FN1: variants seen among roughly 807,000 people sequenced by gnomAD.
FN1 encodes the protein fibronectin.
In FN1, 106 loss-of-function variants were observed where a neutral mutation model predicts 297.3. The ratio of observed to expected loss-of-function variants is 0.36; its 90% CI spans 0.30 to 0.42. The LOEUF (loss-of-function observed/expected upper bound fraction) is 0.42, where lower values mean the gene tolerates loss of function less well. Among genes scored for constraint, FN1 ranks in the 10% least tolerant of loss-of-function variants. FN1 has a pLI of 1.00. For missense variants in FN1, 2,690 were observed against 3,124.9 expected, an observed-to-expected ratio of 0.86 and a Z score of 3.32; for synonymous variants, 1,149 against 1,152.6, an observed-to-expected ratio of 1.00 and a Z score of 0.06.
At chr2:215,408,955 C>A (rs2062175030) in intron 15 of FN1, among the ~76,000 whole-genome samples, 1 of 152,102 alleles carries the variant, frequency 6.6e-6, no homozygotes, top group Non-Finnish European at 1.5e-5. Flanking sequence ...TTTCATTTTT[C>A]CAACTTTTTT....
Position 215,386,076 on chromosome 2 carries a change from C to CTTTTTTTTT in FN1, c.4612+604_4612+612dup, listed in dbSNP as rs571159227. ...CAAGCGTGAGCCATTGCGCCTGGCCCTTTTTTTTTTTTTTTTTTTGAGACA... is the reference window on the plus strand; with the variant it reads ...CAAGCGTGAGCCATTGCGCCTGGCCCTTTTTTTTTTTTTTTTTTTTTTTTTTTTGAGACA... On this transcript the variant is annotated intron_variant, in intron 28 of 45. Coordinates refer to ENST00000354785, the MANE Select transcript of FN1 (RefSeq NM_212482.4). Among the ~76,000 whole-genome samples, 24 of 109,422 alleles carry CTTTTTTTTT rather than the reference C, an allele frequency of 2.2e-4. 1 individual carries two copies. In the East Asian group the frequency reaches 2.4e-3, roughly 11 times the overall value. 71.8% of individuals were successfully genotyped at this position (109,422 alleles called of 152,430 possible).
intron 13 of FN1, among the ~76,000 whole-genome samples, chr2:215,413,590 A>T (rs1000662076): frequency 1.3e-5 from 2 of 152,046 alleles, no homozygotes; most frequent in African/African-American, 4.8e-5. Flanking sequence ...TTTCTGTTCC[A>T]TCTGTATTGG....
At chr2:215,405,817 T>A (rs962925609) in intron 19 of FN1, among the ~76,000 whole-genome samples, 41 of 152,094 alleles carry the variant, frequency 2.7e-4, no homozygotes, top group African/African-American at 9.7e-4. Flanking sequence ...AATATGAGAA[T>A]AATGCTTGTA....
chr2:215,365,881 CTG>C (rs1461947190), intron 42 of FN1: 1 of 193,474 alleles, frequency 5.2e-6, no homozygotes, highest in African/African-American at 2.4e-5. Context: ...TCTCGGCTCA[CTG>C]TAACCTCCAT....
At chr2:215,394,763 G>GCAAT in intron 23 of FN1, 44 bp from the exon 24 acceptor site, 3 of 1,485,948 alleles carry the variant, frequency 2.0e-6, no homozygotes, top group Non-Finnish European at 2.8e-6. Flanking sequence ...GAGGATCTGT[G>GCAAT]AGCCAGAGCA....
intron 12 of FN1, among the ~76,000 whole-genome samples, chr2:215,415,254 AAAGTAAG>A (rs2063279716): frequency 6.6e-6 from 1 of 152,230 alleles, no homozygotes; most frequent in African/African-American, 2.4e-5. Context: ...CTCTACTATC[AAAGTAAG>A]AATTGTGAGA....
chr2:215,404,203 G>A (rs1378481628), intron 20 of FN1, among the ~76,000 whole-genome samples, 186 bp downstream of exon 20: 1 of 152,038 alleles, frequency 6.6e-6, no homozygotes, highest in East Asian at 1.9e-4. Flanking sequence ...CGTTTTTCTT[G>A]TTGCAGACTA....
At chr2:215,376,298 A>G (rs1187735475) in intron 36 of FN1, among the ~76,000 whole-genome samples, 200 bp downstream of exon 36, 2 of 152,240 alleles carry the variant, frequency 1.3e-5, no homozygotes, top group Admixed American at 6.5e-5. Context: ...CGCAATTTCC[A>G]TGACAAATAT....
chr2:215,428,319 G>C lies in FN1; in HGVS notation c.705C>G (p.Asp235Glu). ...CTSRNRCNDQ[D>E]TRTSYRIGDT... The stretch of plus-strand genomic sequence containing the variant: ...CTCCAATTCTATAGGATGTCCTTGT[G>C]TCCTGATCGTTGCATCTATCTGTGT... Residue 235 changes from aspartate (D) to glutamate (E), a missense_variant, in exon 6 of 46, where the codon GAC becomes GAG. Asp to Glu is a conservative substitution (Grantham distance 45). This residue lies in a region of FN1 where 876 missense variants were observed against 1,058.1 expected (regional missense o/e 0.83). Coordinates refer to ENST00000354785, the MANE Select transcript of FN1 (RefSeq NM_212482.4). The C allele has an allele frequency of 6.2e-7, 1 of 1,614,072 alleles. No individual in the cohort carries two copies. Among genetic ancestry groups the C allele is most frequent in the East Asian group, 2.2e-5 (1 of 44,888 alleles).
rs193174876 is a variant in FN1, at chr2:215,383,381, G to T, written c.4997C>A (p.Thr1666Asn). ...SSSPVTGYRV[T>N]TTPKNGPGPT... is the part of the protein sequence containing the mutation. Reference sequence around the variant, plus strand: ...TCCTGGTCCATTTTTGGGAGTGGTGGTTACTCTGTAACCAGTAACAGGGGA... The same window carrying T: ...TCCTGGTCCATTTTTGGGAGTGGTGTTTACTCTGTAACCAGTAACAGGGGA... The change falls in exon 31 of 46, where the codon ACC becomes AAC. Residue 1666 changes from threonine to asparagine, a missense_variant. Physicochemically the swap from Thr to Asn is moderately conservative, Grantham distance 65 (BLOSUM62 0). This residue lies in a region of FN1 where 1,743 missense variants were observed against 1,945.2 expected (regional missense o/e 0.90). Coordinates refer to ENST00000354785, the MANE Select transcript of FN1 (RefSeq NM_212482.4). The T allele has an allele frequency of 6.2e-7, 1 of 1,614,078 alleles. No individual in the cohort carries two copies. The highest frequency in any genetic ancestry group is 8.5e-7 in the Non-Finnish European group (1 of 1,179,968).
Position 215,376,788 on chromosome 2 carries a change from T to A in FN1, c.5711-114A>T, listed in dbSNP as rs2057353831. 3 of 854,010 alleles carry A rather than the reference T, an allele frequency of 3.5e-6. No individual in the cohort carries two copies. The African/African-American group carries it at 5.0e-5, about 14-fold the overall frequency. The allele number at this position is 854,010 out of a possible 1,614,324, so 52.9% of individuals were successfully genotyped here. The stretch of plus-strand genomic sequence containing the variant: ...AAATTCATCCATTTCAAGAAATATA[T>A]AACTAGTAATGTGTAGATTATCTCC... On this transcript the variant is annotated intron_variant, in intron 35 of 45. Transcript: ENST00000354785.
At chr2:215,427,293 C>G (rs2065633107) in intron 6 of FN1, among the ~76,000 whole-genome samples, 1 of 152,070 alleles carries the variant, frequency 6.6e-6, no homozygotes, top group South Asian at 2.1e-4. Context: ...GACAAAAACT[C>G]ATCAAAAGAA....
Position 215,433,403 on chromosome 2 carries a change from A to G in FN1, c.336T>C (p.Tyr112=), listed in dbSNP as rs558281548. The G allele has an allele frequency of 1.2e-5, 20 of 1,614,198 alleles. No homozygotes were observed. Among genetic ancestry groups the G allele is most frequent in the African/African-American group, 6.7e-5 (5 of 75,058 alleles). The part of the protein sequence containing the change: ...TGNTYRVGDT[Y]ERPKDSMIWD... ...AGATCATGGAGTCTTTAGGACGCTC[A>G]TAAGTGTCACCCACTCGGTAAGTGT... Residue 112 remains tyrosine (Y), a synonymous_variant, in exon 3 of 46, where the codon TAT becomes TAC. Coordinates refer to ENST00000354785, the MANE Select transcript of FN1 (RefSeq NM_212482.4).
Position 215,375,623 on chromosome 2 carries a change from A to T in FN1, c.5977+6T>A. ...ATGGCATTTCCTCAGTAGAAGGTAT[A>T]GTTACCAGTGGAGGCGTCGATGACC... On this transcript the variant is annotated splice_donor_region_variant and intron_variant, in intron 37 of 45. Coordinates refer to ENST00000354785, the MANE Select transcript of FN1 (RefSeq NM_212482.4). 1 of 1,590,776 alleles carries T rather than the reference A, an allele frequency of 6.3e-7. No individual in the cohort carries two copies. The highest frequency in any genetic ancestry group is 8.6e-7 in the Non-Finnish European group (1 of 1,158,864).
chr2:215,378,178 C>A lies in FN1; in HGVS notation c.5707G>T (p.Glu1903Ter). The change falls in exon 35 of 46, where the codon GAG (glutamate) becomes TAG (stop). Residue 1903 changes from glutamate (E) to a stop codon, truncating the protein, a stop_gained. Transcript: ENST00000354785. LOFTEE classifies it high-confidence loss of function. ...ATGAAGACATTTTGTTACTTACTCT[C>A]CAGAGTGGTGACAACTCCCTGAGCT... Reference protein sequence around the residue: ...RPAQGVVTTLENVSPPRRARV... With the variant: ...RPAQGVVTTL 1 of 1,574,290 alleles carries A rather than the reference C, an allele frequency of 6.4e-7. No homozygotes were observed. The highest frequency in any genetic ancestry group is 1.1e-5 in the South Asian group (1 of 90,308).
intron 32 of FN1, chr2:215,381,848 C>T (rs1175658259): frequency 5.8e-6 from 2 of 347,400 alleles, no homozygotes; most frequent in Non-Finnish European, 1.1e-5. Context: ...CTTCAAATGC[C>T]CCAAACATAA....
At position 215,371,086 on chromosome 2, in the gene FN1, C is replaced by T. The variant is rs180950659; in HGVS notation, c.6715-654G>A. The stretch of plus-strand genomic sequence containing the variant: ...AGATCGAGACCATCCTGGCCAACAT[C>T]GTGAAACCCCGTCTCTACTAAAAAT... On this transcript the variant is annotated intron_variant, in intron 40 of 45. Transcript: ENST00000354785. Among the ~76,000 whole-genome samples the T allele has an allele frequency of 3.3e-5, 5 of 150,912 alleles. No individual in the cohort carries two copies. The East Asian group carries it at 6.2e-4, about 19-fold the overall frequency.
chr2:215,420,524 T>C (rs1244917423), intron 11 of FN1, 149 bp downstream of exon 11: 2 of 956,494 alleles, frequency 2.1e-6, no homozygotes, highest in East Asian at 5.1e-5. Context: ...GGTCCAGTAT[T>C]AGAGAGAAGA....
chr2:215,382,361 G>A lies in FN1; in HGVS notation c.5051-36C>T, dbSNP rs373518115. 19 of 1,346,360 alleles carry A rather than the reference G, an allele frequency of 1.4e-5. No individual in the cohort carries two copies. The East Asian group carries it at 1.6e-4, about 11-fold the overall frequency. 83.4% of individuals were successfully genotyped at this position (1,346,360 alleles called of 1,614,324 possible). A position where few individuals can be genotyped will look rare whatever the true frequency, so the allele number is the denominator to read the frequency against. On this transcript the variant is annotated intron_variant, in intron 31 of 45. Coordinates refer to ENST00000354785, the MANE Select transcript of FN1 (RefSeq NM_212482.4). ...AGTGAAAAGCAAATGCAACATCCAC[G>A]TCATCCACTATAAAGTCCTCAAGTG...
Sources: gnomAD v4.1 joint callset for allele counts (sites outside exome capture counted in the v4.1 genomes callset) on GRCh38, gnomAD v4.1.1 for gene constraint, gnomAD v4.1.1 regional missense constraint, MANE v1.5 for transcripts, NCBI Gene and HGNC (gene_info 2026-07-23, HGNC 2026-07-21) for gene names.